Variants in ARHGAP21 observed in about 807,000 individuals in gnomAD.
The protein encoded by ARHGAP21 is Rho GTPase activating protein 21, also known as rho GTPase-activating protein 21.
In ARHGAP21, 38 loss-of-function variants were observed where a neutral mutation model predicts 164.6. The ratio of observed to expected loss-of-function variants is 0.23; its 90% confidence interval spans 0.18 to 0.30. ARHGAP21 has a LOEUF of 0.30. ARHGAP21 is among the 10% of genes least tolerant of loss of function. The pLI is 1.00. For synonymous variants in ARHGAP21, 766 were observed against 857.9 expected, an observed-to-expected ratio of 0.89 and a Z score of 1.87; for missense variants, 1,822 against 2,370.7, an observed-to-expected ratio of 0.77 and a Z score of 4.81.
At chr10:24,683,812 T>C (rs1488657474) in intron 2 of ARHGAP21, among the ~76,000 whole-genome samples, 1 of 152,230 alleles carries the variant, frequency 6.6e-6, no homozygotes, top group Non-Finnish European at 1.5e-5. Context: ...CACAATGTTT[T>C]ACCTGCAAAG....
chr10:24,599,821 A>T (rs2076736565), intron 14 of ARHGAP21, among the ~76,000 whole-genome samples: 1 of 152,154 alleles, frequency 6.6e-6, no homozygotes, highest in Admixed American at 6.5e-5. Context: ...TCAAATCCCT[A>T]AACACTGTTC....
intron 4 of ARHGAP21, among the ~76,000 whole-genome samples, chr10:24,661,969 T>G (rs1282609083): frequency 1.8e-4 from 27 of 152,168 alleles, no homozygotes; most frequent in Admixed American, 1.8e-3. Context: ...AACGATCAAC[T>G]GGGATGCCAA....
chr10:24,589,809 AG>A (rs1371596469), intron 24 of ARHGAP21: 1 of 157,042 alleles, frequency 6.4e-6, no homozygotes, highest in Non-Finnish European at 1.4e-5. Context: ...GATGCAAAAG[AG>A]GCATTAAGAT....
chr10:24,587,235 C>A (rs2076142995), intron 25 of ARHGAP21, among the ~76,000 whole-genome samples: 1 of 152,096 alleles, frequency 6.6e-6, no homozygotes, highest in Non-Finnish European at 1.5e-5. Flanking sequence ...CCTCCCACCT[C>A]AGCCTCCCAA....
At chr10:24,668,648 AT>A (rs879671165) in intron 3 of ARHGAP21, among the ~76,000 whole-genome samples, 173 of 146,352 alleles carry the variant, frequency 1.2e-3, no homozygotes, top group Middle Eastern at 3.5e-3. Flanking sequence ...AAGTTTGGTG[AT>A]TTTTTTTTTT....
chr10:24,591,797 CCT>C (rs1299370909), intron 22 of ARHGAP21, 88 bp downstream of exon 22: 2 of 1,597,734 alleles, frequency 1.3e-6, no homozygotes, highest in African/African-American at 1.3e-5. Context: ...TTACAACCAA[CCT>C]CTGTCTGACC....
At chr10:24,706,308 ATTAAC>A (rs1214818007) in intron 2 of ARHGAP21, among the ~76,000 whole-genome samples, 2 of 152,210 alleles carry the variant, frequency 1.3e-5, no homozygotes, top group African/African-American at 4.8e-5. Flanking sequence ...CTACTTAAGA[ATTAAC>A]TTAATTCTTT....
chr10:24,703,638 A>T (rs557259097), intron 2 of ARHGAP21, among the ~76,000 whole-genome samples: 1 of 152,198 alleles, frequency 6.6e-6, no homozygotes, highest in African/African-American at 2.4e-5. Flanking sequence ...TCAGTATGCA[A>T]CCTGAGAAAC....
chr10:24,588,910 G>A (rs1420232801), intron 25 of ARHGAP21, among the ~76,000 whole-genome samples: 4 of 152,214 alleles, frequency 2.6e-5, no homozygotes. Context: ...GGCGTACAGA[G>A]CAAACGGAGT....
chr10:24,708,799 TC>T lies in ARHGAP21; in HGVS notation c.63+13037del, dbSNP rs746127189. On this transcript the variant is annotated intron_variant, in intron 2 of 25. Coordinates refer to ENST00000396432, the MANE Select transcript of ARHGAP21 (RefSeq NM_020824.4). ...CTGAATAGTATTCCATGAATAGTCTTCCATTCCAAATATACCACATTGTCTT... is the reference window on the plus strand; with the variant it reads ...CTGAATAGTATTCCATGAATAGTCTTCATTCCAAATATACCACATTGTCTT... Among the ~76,000 whole-genome samples the T allele has an allele frequency of 3.9e-4, 60 of 152,228 alleles. 1 individual carries two copies. Among genetic ancestry groups the T allele is most frequent in the South Asian group, 8.3e-4 (4 of 4,836 alleles).
At chr10:24,629,467 C>G (rs919660167) in intron 7 of ARHGAP21, 23 of 152,556 alleles carry the variant, frequency 1.5e-4, no homozygotes, top group African/African-American at 5.6e-4. Context: ...AAGTTGTAGA[C>G]TCCGTTCATT....
intron 2 of ARHGAP21, among the ~76,000 whole-genome samples, chr10:24,698,357 T>C (rs1421839027): frequency 6.6e-6 from 1 of 152,148 alleles, no homozygotes; most frequent in African/African-American, 2.4e-5. Context: ...TTAACACACT[T>C]GCTCAGTCAC....
chr10:24,704,670 T>C (rs1316915186), intron 2 of ARHGAP21, among the ~76,000 whole-genome samples: 2 of 152,080 alleles, frequency 1.3e-5, no homozygotes, highest in African/African-American at 4.8e-5. Flanking sequence ...GGTTTTGCCA[T>C]GTTGCCCAGG....
chr10:24,585,184 G>C lies in ARHGAP21; in HGVS notation c.5105C>G (p.Thr1702Ser), dbSNP rs1143069. 8 of 1,609,168 alleles carry C rather than the reference G, an allele frequency of 5.0e-6. No homozygotes were observed. Among genetic ancestry groups the C allele is most frequent in the Non-Finnish European group, 4.2e-6 (5 of 1,178,598 alleles). The change falls in exon 26 of 26, where the codon ACT becomes AGT. Residue 1702 changes from threonine to serine, a missense_variant. Physicochemically the swap from Thr to Ser is moderately conservative, Grantham distance 58 (BLOSUM62 1). Transcript: ENST00000396432. ...FSSHKLIECD[T>S]LSRKKSARFK... Reference sequence around the variant, plus strand: ...TCTAGCTGATTTTTTCCTGGAAAGAGTATCACATTCGATGAGTTTATGGGA... The same window carrying C: ...TCTAGCTGATTTTTTCCTGGAAAGACTATCACATTCGATGAGTTTATGGGA...
rs1470585777 is a variant in ARHGAP21, at chr10:24,595,793, T to C, written c.3636A>G (p.Lys1212=). ...TGCTTATCACATTCAAATCTCGCCA[T>C]TTCTAGGTGTACAAAATAGAAATAT... ...GMADIDIQDD[K]WRDLNVISSL... The change falls in exon 19 of 26, where the codon AAA becomes AAG. Residue 1212 remains lysine (K), a splice_region_variant and synonymous_variant. Coordinates refer to ENST00000396432, the MANE Select transcript of ARHGAP21 (RefSeq NM_020824.4). 1.9e-6 allele frequency: 3 copies of C among 1,613,564 alleles called. No individual in the cohort carries two copies. The East Asian group carries it at 6.7e-5, about 36-fold the overall frequency.
At chr10:24,707,044 G>T (rs72784298) in intron 2 of ARHGAP21, among the ~76,000 whole-genome samples, 10 of 152,224 alleles carry the variant, frequency 6.6e-5, no homozygotes, top group African/African-American at 2.2e-4. Context: ...AGGGTACTCC[G>T]TCCTTTCTTA....
At chr10:24,592,160 T>A in intron 21 of ARHGAP21, 148 bp from the exon 22 acceptor site, 21 of 474,564 alleles carry the variant, frequency 4.4e-5, no homozygotes, top group Non-Finnish European at 4.9e-5. Flanking sequence ...AGCAAGATTT[T>A]TTTTTTTTTT....
chr10:24,590,269 A>T, intron 24 of ARHGAP21: 1 of 1,504,808 alleles, frequency 6.6e-7, no homozygotes, highest in South Asian at 1.3e-5. Context: ...ACTTTTAAGA[A>T]AGTAGTATTG....
At chr10:24,633,603 CAG>C (rs1836053723) in intron 5 of ARHGAP21, 123 bp from the exon 6 acceptor site, 1 of 529,548 alleles carries the variant, frequency 1.9e-6, no homozygotes, top group Non-Finnish European at 3.2e-6. Context: ...TAATAAAATA[CAG>C]AGTTGTGAGA....
Sources: allele counts gnomAD v4.1 joint callset (sites outside exome capture counted in the v4.1 genomes callset), GRCh38; gene constraint gnomAD v4.1.1; transcripts MANE v1.5; gene names NCBI Gene and HGNC (gene_info 2026-07-23, HGNC 2026-07-21).